The following C16orf89 variants were observed in gnomAD, a reference collection of about 807,000 sequenced individuals.
C16orf89 encodes chromosome 16 open reading frame 89, also known as UPF0764 protein C16orf89.
In C16orf89, 57 loss-of-function variants were observed where a neutral mutation model predicts 41.5. That is an observed-to-expected ratio of 1.38 (90% CI 1.11 to 1.71). The LOEUF (loss-of-function observed/expected upper bound fraction) is 1.71, where lower values mean the gene tolerates loss of function less well. Ranked by LOEUF, C16orf89 falls within the 40% of genes most tolerant of loss-of-function variation. C16orf89 has a pLI of 0.00. For missense variants in C16orf89, 575 were observed against 445.9 expected (o/e 1.29, Z -2.61); for synonymous variants, 223 against 190.6 (o/e 1.17, Z -1.40).
chr16:5,056,264 T>G, intron 4 of C16orf89, 76 bp from the exon 5 acceptor site: 1 of 1,429,158 alleles, frequency 7.0e-7, no homozygotes, highest in Non-Finnish European at 9.6e-7. Flanking sequence ...TGGGAAAGTC[T>G]TGCAGTTCTG....
chr16:5,060,945 CTTTTTTT>C (rs386384101), intron 2 of C16orf89, among the ~76,000 whole-genome samples: 10 of 93,502 alleles, frequency 1.1e-4, no homozygotes, highest in African/African-American at 4.4e-4. Context: ...TATGATCAGC[CTTTTTTT>C]TTTTTTTTTT....
Position 5,062,536 on chromosome 16 carries a change from G to T in C16orf89, c.247C>A (p.Pro83Thr). The T allele has an allele frequency of 6.2e-7, 1 of 1,613,608 alleles. No homozygotes were observed. Among genetic ancestry groups the T allele is most frequent in the Non-Finnish European group, 8.5e-7 (1 of 1,179,702 alleles). The change falls in exon 2 of 8, where the codon CCC (proline) becomes ACC (threonine). Residue 83 changes from proline (P) to threonine (T), a missense_variant. Pro to Thr is a conservative substitution (Grantham distance 38, BLOSUM62 -1). Coordinates refer to ENST00000472572, the MANE Select transcript of C16orf89 (RefSeq NM_001098514.3). ...CGCAGGCTCAGCGGCTGCAGCAGGG[G>T]CTCCTGGGCCCACTTCTCCCGGACA... ...KSVREKWAQE[P>T]LLQPLSLRVG...
At position 5,056,023 on chromosome 16, in the gene C16orf89, T is replaced by C. The variant is rs376423612; in HGVS notation, c.763+30A>G. 8 of 1,557,076 alleles carry C rather than the reference T, an allele frequency of 5.1e-6. No individual in the cohort carries two copies. The African/African-American group carries it at 8.2e-5, about 16-fold the overall frequency. ...TGTTGGTGGGGGGACACCCTGTTCC[T>C]TTGCCCCGGGGGCAGAATGCTGGCC... On this transcript the variant is annotated intron_variant, in intron 5 of 7. Transcript: ENST00000472572.
chr16:5,062,282 T>C, intron 2 of C16orf89, 143 bp downstream of exon 2: 1 of 1,071,080 alleles, frequency 9.3e-7, no homozygotes, highest in Non-Finnish European at 1.3e-6. Context: ...GGCTCGTCTG[T>C]GGCTTGCTCA....
At chr16:5,058,282 C>G (rs1184754888) in intron 4 of C16orf89, among the ~76,000 whole-genome samples, 5 of 151,962 alleles carry the variant, frequency 3.3e-5, no homozygotes, top group African/African-American at 1.2e-4. Flanking sequence ...TGCACGCCAC[C>G]ACGTCCAGCT....
intron 3 of C16orf89, 38 bp from the exon 4 acceptor site, chr16:5,058,648 G>T: frequency 1.3e-6 from 2 of 1,509,008 alleles, no homozygotes. Context: ...AGGATGGAGC[G>T]CTGACTCTGC....
In C16orf89 at chr16:5,048,204, A is replaced by C. The variant is rs545267105; in HGVS notation, c.869-240T>G. ...CTACCATGTCCAGCTATTTAAAAAA[A>C]ATTTTTTTTTGGTAGAGATGGGGTC... is the stretch of plus-strand genomic sequence containing the variant. On this transcript the variant is annotated intron_variant, in intron 6 of 7. Coordinates refer to ENST00000472572, the MANE Select transcript of C16orf89 (RefSeq NM_001098514.3). 2.1e-3 allele frequency among the ~76,000 whole-genome samples: 317 copies of C among 152,030 alleles called. 4 individuals are homozygous for C. Among genetic ancestry groups the C allele is most frequent in the African/African-American group, 4.5e-3 (185 of 41,472 alleles).
rs766766761 is a variant in C16orf89 at position 5,060,420 on chromosome 16, G to C, written c.375C>G (p.Leu125=). The C allele has an allele frequency of 6.2e-7, 1 of 1,613,088 alleles. No homozygotes were observed. The highest frequency in any genetic ancestry group is 8.5e-7 in the Non-Finnish European group (1 of 1,179,614). The change falls in exon 3 of 8, where the codon CTC becomes CTG. Residue 125 remains leucine (L), a synonymous_variant. Coordinates refer to ENST00000472572, the MANE Select transcript of C16orf89 (RefSeq NM_001098514.3). ...PKYLREFQLT[L]QPGFWKLPHA... ...GTGGGAGCTTCCAAAACCCGGGCTG[G>C]AGGGTCAGCTGGAACTCTGGCAGAG...
chr16:5,062,424 C>T lies in C16orf89; in HGVS notation c.358+1G>A. ...GAATGGGACACCCTGCGTGTGCTCACCTCTTAGGTACTTGGGATCACTCAG... is the reference window on the plus strand; with the variant it reads ...GAATGGGACACCCTGCGTGTGCTCATCTCTTAGGTACTTGGGATCACTCAG... On this transcript the variant is annotated splice_donor_variant, in intron 2 of 7. Transcript: ENST00000472572. LOFTEE classifies it high-confidence loss of function. 1.9e-6 allele frequency: 3 copies of T among 1,611,240 alleles called. No homozygotes were observed. The highest frequency in any genetic ancestry group is 2.5e-6 in the Non-Finnish European group (3 of 1,178,944).
intron 6 of C16orf89, among the ~76,000 whole-genome samples, chr16:5,048,241 C>T (rs982396938): frequency 3.3e-5 from 5 of 152,044 alleles, no homozygotes; most frequent in East Asian, 1.9e-4. Flanking sequence ...TGCTATGTTG[C>T]CCAGGCTGGA....
rs752726792 is a variant in C16orf89 at position 5,060,429 on chromosome 16, C to T, written c.366G>A (p.Gln122=). 1.9e-6 allele frequency: 3 copies of T among 1,611,878 alleles called. No individual in the cohort carries two copies. Among genetic ancestry groups the T allele is most frequent in the Middle Eastern group, 1.7e-4 (1 of 6,056 alleles). ...TCCAAAACCCGGGCTGGAGGGTCAG[C>T]TGGAACTCTGGCAGAGAGGACAGAT... The part of the protein sequence containing the change: ...LSDPKYLREF[Q]LTLQPGFWKL... The change falls in exon 3 of 8, where the codon CAG becomes CAA. Residue 122 remains glutamine (Q), a synonymous_variant. Transcript: ENST00000472572.
chr16:5,050,472 G>A (rs1478024887), intron 6 of C16orf89, among the ~76,000 whole-genome samples: 1 of 152,032 alleles, frequency 6.6e-6, no homozygotes, highest in East Asian at 1.9e-4. Context: ...GACCAATTAT[G>A]AGTAATGAGA....
At chr16:5,050,833 T>C (rs1167428144) in intron 6 of C16orf89, among the ~76,000 whole-genome samples, 2 of 152,210 alleles carry the variant, frequency 1.3e-5, no homozygotes, top group Non-Finnish European at 2.9e-5. Flanking sequence ...ATGTTTTGCA[T>C]TTTAAAAAAA....
intron 3 of C16orf89, among the ~76,000 whole-genome samples, chr16:5,058,888 C>T (rs951854110): frequency 6.6e-6 from 1 of 152,088 alleles, no homozygotes; most frequent in Non-Finnish European, 1.5e-5. Context: ...TCTTTTCCAG[C>T]CCCGAACAGT....
rs1025491920 is a variant in C16orf89, at chr16:5,065,835, C to G, written c.74G>C (p.Gly25Ala). 6.2e-6 allele frequency: 10 copies of G among 1,614,228 alleles called. No individual in the cohort carries two copies. The highest frequency in any genetic ancestry group is 8.5e-6 in the Non-Finnish European group (10 of 1,180,030). ...LPPLWSSSLP[G>A]LDTAESKATI... ...GGCTTTACTTTCAGCAGTGTCCAGC[C>G]CAGGCAGTGAGGAGGACCACAGCGG... The change falls in exon 1 of 8, where the codon GGG becomes GCG. Residue 25 changes from glycine (G) to alanine (A), a missense_variant. Physicochemically the swap from Gly to Ala is moderately conservative, Grantham distance 60 (BLOSUM62 0). Transcript: ENST00000472572.
At chr16:5,051,185 A>G (rs1390265795) in intron 6 of C16orf89, among the ~76,000 whole-genome samples, 1 of 152,240 alleles carries the variant, frequency 6.6e-6, no homozygotes, top group Non-Finnish European at 1.5e-5. Flanking sequence ...TTGACATAAT[A>G]CTAGAAGTCT....
intron 6 of C16orf89, among the ~76,000 whole-genome samples, chr16:5,050,872 T>C (rs943397207): frequency 6.6e-6 from 1 of 152,240 alleles, no homozygotes; most frequent in Admixed American, 6.5e-5. Flanking sequence ...GGGGACTTTA[T>C]TGGAGGGATG....
At chr16:5,055,154 C>G (rs1386565742) in intron 6 of C16orf89, 92 bp downstream of exon 6, 1 of 1,087,848 alleles carries the variant, frequency 9.2e-7, no homozygotes, top group African/African-American at 1.6e-5. Context: ...AACCTTAACA[C>G]CAATGCATTG....
intron 6 of C16orf89, among the ~76,000 whole-genome samples, chr16:5,052,695 C>T (rs1372074478): frequency 1.3e-5 from 2 of 151,830 alleles, no homozygotes; most frequent in African/African-American, 4.8e-5. Flanking sequence ...TAAATTAGTA[C>T]AGACATTATG....
Sources: allele counts gnomAD v4.1 joint callset (sites outside exome capture counted in the v4.1 genomes callset), GRCh38; gene constraint gnomAD v4.1.1; transcripts MANE v1.5; gene names NCBI Gene and HGNC (gene_info 2026-07-23, HGNC 2026-07-21).